KANSL1: variants seen among roughly 807,000 people sequenced by gnomAD.
The protein encoded by KANSL1 is KAT8 regulatory NSL complex subunit 1.
In KANSL1, 22 loss-of-function variants were observed where a neutral mutation model predicts 103.6. The observed-to-expected ratio is 0.21, with a 90% CI of 0.15 to 0.30. The LOEUF (loss-of-function observed/expected upper bound fraction) is 0.30, where lower values mean the gene tolerates loss of function less well. Among genes scored for constraint, KANSL1 ranks in the 10% least tolerant of loss-of-function variants. KANSL1 has a pLI of 1.00. For synonymous variants in KANSL1, 600 were observed against 527.6 expected, an observed-to-expected ratio of 1.14 and a Z score of -1.88; for missense variants, 1,337 against 1,399.8, an observed-to-expected ratio of 0.96 and a Z score of 0.72.
intron 3 of KANSL1, among the ~76,000 whole-genome samples, chr17:46,085,061 G>C (rs991747911): frequency 6.6e-6 from 1 of 152,006 alleles, no homozygotes; most frequent in Non-Finnish European, 1.5e-5. Flanking sequence ...CGGTTCCTAA[G>C]AACTTTTTTA....
At chr17:46,200,038 T>TACACACACACACACACACAC (rs143234563) in intron 1 of KANSL1, among the ~76,000 whole-genome samples, 4 of 147,478 alleles carry the variant, frequency 2.7e-5, no homozygotes, top group Non-Finnish European at 4.4e-5. Flanking sequence ...TCAATGAGTT[T>TACACACACACACACACACAC]ACACACACAC....
chr17:46,086,185 AGT>A (rs66546910), intron 3 of KANSL1, among the ~76,000 whole-genome samples: 21,724 of 152,226 alleles, frequency 0.14, 2,091 homozygotes, highest in Non-Finnish European at 0.22. Flanking sequence ...GTAAGGACGC[AGT>A]CAGTATTTTC....
At chr17:46,127,984 A>ATT (rs113399561) in intron 2 of KANSL1, among the ~76,000 whole-genome samples, 21,297 of 148,232 alleles carry the variant, frequency 0.14, 2,049 homozygotes, top group Middle Eastern at 0.22. Context: ...CCCTTCCCTA[A>ATT]TTTTTTTTTT....
At chr17:46,186,100 G>A (rs1477950350) in intron 1 of KANSL1, among the ~76,000 whole-genome samples, 1 of 152,088 alleles carries the variant, frequency 6.6e-6, no homozygotes, top group Non-Finnish European at 1.5e-5. Context: ...AGGAGGCCGG[G>A]CGCGGTGGCT....
chr17:46,200,608 G>A (rs964224336), intron 1 of KANSL1, among the ~76,000 whole-genome samples: 2 of 152,150 alleles, frequency 1.3e-5, no homozygotes, highest in Admixed American at 1.3e-4. Context: ...TGGGCATGGT[G>A]GGGGGCACCC....
intron 3 of KANSL1, among the ~76,000 whole-genome samples, chr17:46,084,286 G>C (rs1385165019): frequency 6.6e-6 from 1 of 152,180 alleles, no homozygotes; most frequent in Non-Finnish European, 1.5e-5. Context: ...GAAGGCTGAA[G>C]AAGGAGAATC....
intron 6 of KANSL1, among the ~76,000 whole-genome samples, chr17:46,062,354 G>GTT (rs1568403775): frequency 1.8e-5 from 2 of 109,638 alleles, no homozygotes; most frequent in African/African-American, 6.0e-5. Flanking sequence ...TATAACAACA[G>GTT]CTTTTTTTTT....
chr17:46,100,067 T>C (rs2042243610), intron 2 of KANSL1, among the ~76,000 whole-genome samples: 1 of 152,186 alleles, frequency 6.6e-6, no homozygotes, highest in South Asian at 2.1e-4. Context: ...ACTTTAATCG[T>C]TCTTTTTACA....
At chr17:46,104,884 C>T (rs562126531) in intron 2 of KANSL1, among the ~76,000 whole-genome samples, 6 of 152,090 alleles carry the variant, frequency 3.9e-5, no homozygotes, top group African/African-American at 1.4e-4. Flanking sequence ...GGTGCGATCT[C>T]GGCTCACTGC....
chr17:46,038,408 T>C (rs780087768), intron 10 of KANSL1, 130 bp downstream of exon 10: 8 of 940,018 alleles, frequency 8.5e-6, no homozygotes, highest in South Asian at 1.7e-5. Context: ...TACATACATA[T>C]GTCATGATGA....
chr17:46,212,765 T>G (rs1425461407), intron 1 of KANSL1, among the ~76,000 whole-genome samples: 1 of 152,218 alleles, frequency 6.6e-6, no homozygotes, highest in Non-Finnish European at 1.5e-5. Flanking sequence ...CCAATATATG[T>G]TGCCAAAATA....
At chr17:46,195,627 A>T (rs1417092430), upstream of KANSL1, among the ~76,000 whole-genome samples, 2 of 152,222 alleles carry the variant, frequency 1.3e-5, no homozygotes, top group Admixed American at 6.5e-5. Context: ...CAGTGGTGCA[A>T]TCAAACTCAC....
intron 2 of KANSL1, among the ~76,000 whole-genome samples, chr17:46,133,761 G>A (rs2043985561): frequency 6.6e-6 from 1 of 152,172 alleles, no homozygotes; most frequent in African/African-American, 2.4e-5. Flanking sequence ...TCATGAAGGA[G>A]TTTTTTAACC....
intron 7 of KANSL1, chr17:46,049,911 A>C (rs2077653073): frequency 6.7e-6 from 1 of 150,366 alleles, no homozygotes; most frequent in African/African-American, 2.4e-5. Flanking sequence ...TGGCACGCAC[A>C]GACAAAACTT....
chr17:46,162,302 G>A (rs2045783583), intron 2 of KANSL1, among the ~76,000 whole-genome samples: 1 of 152,176 alleles, frequency 6.6e-6, no homozygotes, highest in East Asian at 1.9e-4. Flanking sequence ...GGGAGGTGGG[G>A]AAATGAATTA....
At chr17:46,195,597 C>G (rs1302310734), upstream of KANSL1, among the ~76,000 whole-genome samples, 2 of 152,232 alleles carry the variant, frequency 1.3e-5, no homozygotes, top group African/African-American at 2.4e-5. Context: ...GGGTCCTGCT[C>G]GGTTGCCCAG....
At chr17:46,033,322 G>A (rs1598443879) in intron 12 of KANSL1, 81 bp downstream of exon 12, 3 of 1,480,278 alleles carry the variant, frequency 2.0e-6, no homozygotes, top group Admixed American at 3.4e-5. Flanking sequence ...CAAGTCTTCA[G>A]GCCATTTAGG....
At chr17:46,101,582 T>C (rs2042315892) in intron 2 of KANSL1, among the ~76,000 whole-genome samples, 1 of 151,670 alleles carries the variant, frequency 6.6e-6, no homozygotes, top group Admixed American at 6.6e-5. Flanking sequence ...AAACCCCGTC[T>C]CTACTAAAAA....
intron 1 of KANSL1, among the ~76,000 whole-genome samples, chr17:46,185,052 G>A (rs2532246): frequency 0.14 from 21,962 of 151,970 alleles, 2,141 homozygotes; most frequent in Middle Eastern, 0.22. Flanking sequence ...ATGTTGGCCT[G>A]GCCTGACCTC....
Sources: gnomAD v4.1 joint callset for allele counts (sites outside exome capture counted in the v4.1 genomes callset) on GRCh38, gnomAD v4.1.1 for gene constraint, MANE v1.5 for transcripts, NCBI Gene and HGNC (gene_info 2026-07-23, HGNC 2026-07-21) for gene names.